Variants in VPS13D observed in about 807,000 individuals in gnomAD.
VPS13D encodes intermembrane lipid transfer protein VPS13D.
A neutral mutation model predicts 461.9 loss-of-function variants in VPS13D; 187 were observed. The ratio of observed to expected loss-of-function variants is 0.40; its 90% CI spans 0.36 to 0.46. The LOEUF (loss-of-function observed/expected upper bound fraction) is 0.46. Ranked by LOEUF, VPS13D falls within the 20% of genes least tolerant of loss-of-function variation. The pLI is 0.60. For missense variants in VPS13D, 4,711 were observed against 5,364.9 expected (o/e 0.88, Z 3.81); for synonymous variants, 1,951 against 1,986.3 (o/e 0.98, Z 0.47).
At chr1:12,434,786 G>A (rs565505067) in intron 65 of VPS13D, among the ~76,000 whole-genome samples, 13 of 152,282 alleles carry the variant, frequency 8.5e-5, no homozygotes, top group African/African-American at 3.1e-4. Flanking sequence ...GAAACATTTA[G>A]ATTAATCTTG....
At position 12,244,543 on chromosome 1, in the gene VPS13D, C is replaced by G. The variant is rs752503639; in HGVS notation, c.373C>G (p.Arg125Gly). 6.2e-7 allele frequency: 1 copy of G among 1,614,142 alleles called. No individual in the cohort carries two copies. The highest frequency in any genetic ancestry group is 1.7e-5 in the Admixed American group (1 of 60,014). The change falls in exon 5 of 70, where the codon CGC becomes GGC. Residue 125 changes from arginine to glycine, a missense_variant. By Grantham distance (125) the Arg-to-Gly change is moderately radical. This residue lies in a region of VPS13D where 4,411 missense variants were observed against 4,937.8 expected (regional missense o/e 0.89). Coordinates refer to ENST00000620676, the MANE Select transcript of VPS13D (RefSeq NM_015378.4). ...QALEEKWKND[R>G]QQKGESYWYS... ...CTGACTCTTGTCTTTGTAGAATGACCGCCAGCAGAAAGGGGAGTCCTATTG... is the reference window on the plus strand; with the variant it reads ...CTGACTCTTGTCTTTGTAGAATGACGGCCAGCAGAAAGGGGAGTCCTATTG...
At chr1:12,296,368 A>G (rs1055367985) in intron 24 of VPS13D, among the ~76,000 whole-genome samples, 4 of 152,238 alleles carry the variant, frequency 2.6e-5, no homozygotes, top group Admixed American at 1.3e-4. Flanking sequence ...ATGATATTAC[A>G]TTTATGGTCT....
At chr1:12,305,631 C>T (rs772597508) in intron 26 of VPS13D, among the ~76,000 whole-genome samples, 2 of 152,044 alleles carry the variant, frequency 1.3e-5, no homozygotes, top group East Asian at 1.9e-4. Flanking sequence ...GTCATGTGCC[C>T]GATAAGTGGG....
At chr1:12,370,802 A>G (rs1322999052) in intron 54 of VPS13D, among the ~76,000 whole-genome samples, 3 of 152,332 alleles carry the variant, frequency 2.0e-5, no homozygotes, top group South Asian at 2.1e-4. Context: ...CTTATGTTCT[A>G]TAAATTCCAG....
chr1:12,460,118 C>T, intron 66 of VPS13D, 83 bp from the exon 67 acceptor site: 1 of 1,285,106 alleles, frequency 7.8e-7, no homozygotes, highest in Admixed American at 2.5e-5. Context: ...CTTAAGTTAT[C>T]ATTCCATAAT....
chr1:12,467,344 A>G (rs952395011), intron 67 of VPS13D, among the ~76,000 whole-genome samples: 1 of 151,992 alleles, frequency 6.6e-6, no homozygotes, highest in Non-Finnish European at 1.5e-5. Context: ...GCTAATTCTT[A>G]TATTTTTAGT....
At position 12,439,044 on chromosome 1, in the gene VPS13D, C is replaced by G. The variant is rs562669716; in HGVS notation, c.12334-16954C>G. Reference sequence around the variant, plus strand: ...ATTGTAGTACACTTCTCCTTGCACCCTTGCTTCCTACTACTGACATTGAAC... The same window carrying G: ...ATTGTAGTACACTTCTCCTTGCACCGTTGCTTCCTACTACTGACATTGAAC... On this transcript the variant is annotated intron_variant, in intron 65 of 69. Coordinates refer to ENST00000620676, the MANE Select transcript of VPS13D (RefSeq NM_015378.4). Among the ~76,000 whole-genome samples the G allele has an allele frequency of 1.6e-3, 238 of 152,294 alleles. 1 individual carries two copies. The highest frequency in any genetic ancestry group is 5.3e-3 in the African/African-American group (219 of 41,544).
At chr1:12,447,036 T>C (rs1645201517) in intron 65 of VPS13D, among the ~76,000 whole-genome samples, 1 of 152,170 alleles carries the variant, frequency 6.6e-6, no homozygotes. Context: ...GGGCCAGGTG[T>C]CTGAGTTACG....
At chr1:12,230,234 C>G (rs1173548105) in intron 1 of VPS13D, 114 bp downstream of exon 1, 1 of 152,360 alleles carries the variant, frequency 6.6e-6, no homozygotes, top group Non-Finnish European at 1.5e-5. Context: ...CCGGGCCCAC[C>G]CTGGGGAGAG....
At chr1:12,247,482 G>GA (rs1361168314) in intron 5 of VPS13D, among the ~76,000 whole-genome samples, 6 of 145,128 alleles carry the variant, frequency 4.1e-5, no homozygotes, top group Non-Finnish European at 9.1e-5. Flanking sequence ...AGGACAGAAA[G>GA]AAAAAAATTA....
chr1:12,444,541 C>T (rs1170708820), intron 65 of VPS13D, among the ~76,000 whole-genome samples: 3 of 152,040 alleles, frequency 2.0e-5, no homozygotes, highest in African/African-American at 7.2e-5. Context: ...ATGTCACTTA[C>T]ACCTCTCATG....
At chr1:12,333,201 T>C in intron 37 of VPS13D, 25 bp from the exon 38 acceptor site, 1 of 1,610,914 alleles carries the variant, frequency 6.2e-7, no homozygotes, top group Non-Finnish European at 8.5e-7. Context: ...GCTGAACAGA[T>C]GTCTTATTTC....
chr1:12,460,271 C>A lies in VPS13D; in HGVS notation c.12537C>A (p.Ser4179Arg). 11 of 1,611,680 alleles carry A rather than the reference C, an allele frequency of 6.8e-6. No individual in the cohort carries two copies. The highest frequency in any genetic ancestry group is 9.3e-6 in the Non-Finnish European group (11 of 1,178,884). The part of the protein sequence containing the change: ...VEGVKTEGGV[S>R]GFISGLGKGL... ...GTGTGAAAACAGAAGGGGGTGTCAG[C>A]GGTTTCATATCTGGCCTTGGAAAAG... is the stretch of plus-strand genomic sequence containing the variant. Residue 4179 changes from serine to arginine, a missense_variant, in exon 67 of 70, where the codon AGC becomes AGA. This residue lies in a region of VPS13D where 106 missense variants were observed against 206.2 expected (regional missense o/e 0.51). Transcript: ENST00000620676.
intron 60 of VPS13D, 97 bp downstream of exon 60, chr1:12,386,431 G>A (rs1035204289): frequency 3.6e-5 from 49 of 1,356,386 alleles, no homozygotes; most frequent in African/African-American, 1.5e-4. Flanking sequence ...TAATGTTTTG[G>A]AGGAAATATC....
At chr1:12,481,879 CT>C (rs1645722633) in intron 67 of VPS13D, among the ~76,000 whole-genome samples, 1 of 152,186 alleles carries the variant, frequency 6.6e-6, no homozygotes, top group African/African-American at 2.4e-5. Flanking sequence ...AGGCAGAGAG[CT>C]TTTGCCCATT....
intron 13 of VPS13D, among the ~76,000 whole-genome samples, chr1:12,263,481 T>C (rs1439991784): frequency 6.6e-6 from 1 of 152,246 alleles, no homozygotes; most frequent in Non-Finnish European, 1.5e-5. Flanking sequence ...TGTGCAAATA[T>C]GGAATCTGTG....
chr1:12,278,154 T>A, intron 19 of VPS13D, 116 bp downstream of exon 19: 1 of 1,125,860 alleles, frequency 8.9e-7, no homozygotes, highest in Non-Finnish European at 1.2e-6. Context: ...AATCCTCAGT[T>A]AATATTTAAG....
chr1:12,299,352 G>C lies in VPS13D; in HGVS notation c.6184G>C (p.Gly2062Arg), dbSNP rs757703441. The C allele has an allele frequency of 1.2e-6, 2 of 1,613,284 alleles. No homozygotes were observed. Among genetic ancestry groups the C allele is most frequent in the Non-Finnish European group, 1.7e-6 (2 of 1,179,796 alleles). Residue 2062 changes from glycine to arginine, a missense_variant, in exon 25 of 70, where the codon GGT becomes CGT. Coordinates refer to ENST00000620676, the MANE Select transcript of VPS13D (RefSeq NM_015378.4). The surrounding 1 kb of genome is among the most constrained non-coding windows in gnomAD (Gnocchi z 4.2). ...LKVKNKFLFAGFPGTFSLQDK... is the reference protein window; with the variant it reads ...LKVKNKFLFARFPGTFSLQDK... ...AGTCAAAAATAAGTTTCTGTTTGCT[G>C]GTTTTCCTGGCACCTTTTCCCTACA...
chr1:12,482,231 T>A (rs564990584), intron 67 of VPS13D, among the ~76,000 whole-genome samples: 1 of 152,282 alleles, frequency 6.6e-6, no homozygotes, highest in South Asian at 2.1e-4. Flanking sequence ...TAGATAGTAA[T>A]GGTCAACTGA....
Sources: gnomAD v4.1 joint callset for allele counts (sites outside exome capture counted in the v4.1 genomes callset) on GRCh38, gnomAD v4.1.1 for gene constraint, gnomAD v4.1.1 regional missense constraint, Gnocchi (gnomAD v3.1) non-coding constraint, MANE v1.5 for transcripts, NCBI Gene and HGNC (gene_info 2026-07-23, HGNC 2026-07-21) for gene names.